The following KIAA0825 variants were observed in gnomAD, a reference collection of about 807,000 sequenced individuals.
The protein encoded by KIAA0825 is uncharacterized protein KIAA0825.
In KIAA0825, 119 loss-of-function variants were observed where a neutral mutation model predicts 147.6. The observed-to-expected ratio is 0.81, with a 90% CI of 0.69 to 0.94. The LOEUF is 0.94. Ranked by LOEUF, KIAA0825 falls within the 40% of genes least tolerant of loss-of-function variation. The probability of loss-of-function intolerance (pLI) is 0.00; values close to 1 mark genes in which losing one functional copy is unlikely to be tolerated. For missense variants in KIAA0825, 1,381 were observed against 1,472.7 expected, an observed-to-expected ratio of 0.94 and a Z score of 1.02; for synonymous variants, 470 against 518.1, an observed-to-expected ratio of 0.91 and a Z score of 1.26.
intron 2 of KIAA0825, among the ~76,000 whole-genome samples, chr5:94,541,264 C>A (rs1168324608): frequency 1.3e-5 from 2 of 152,248 alleles, no homozygotes; most frequent in East Asian, 1.9e-4. Flanking sequence ...CCAGGCTCCA[C>A]ACCTAGTACA....
At chr5:94,570,632 C>T (rs1317763568) in intron 2 of KIAA0825, 2 of 152,210 alleles carry the variant, frequency 1.3e-5, no homozygotes, top group Admixed American at 1.3e-4. Context: ...AATTTTAATC[C>T]TCATACCAGC....
chr5:94,214,747 T>C (rs1773051018), intron 20 of KIAA0825, among the ~76,000 whole-genome samples: 1 of 152,228 alleles, frequency 6.6e-6, no homozygotes, highest in African/African-American at 2.4e-5. Context: ...GAATAATAAG[T>C]ACTTGAGTAA....
At position 94,396,284 on chromosome 5, in the gene KIAA0825, G is replaced by T. The variant is rs1321527354; in HGVS notation, c.3113C>A (p.Ala1038Asp). 1.0e-5 allele frequency: 16 copies of T among 1,550,384 alleles called. No homozygotes were observed. The highest frequency in any genetic ancestry group is 1.1e-5 in the Non-Finnish European group (13 of 1,146,556). ...TTCTTTACTCCATCTGTCAAGAGAGGCACCTGTTAAAAGTTCCACAGTGTT... is the reference window on the plus strand; with the variant it reads ...TTCTTTACTCCATCTGTCAAGAGAGTCACCTGTTAAAAGTTCCACAGTGTT... ...DGNTVELLTG[A>D]SLDRWSKEKL... is the part of the protein sequence containing the mutation. The change falls in exon 17 of 21, where the codon GCC (alanine) becomes GAC (aspartate). Residue 1038 changes from alanine to aspartate, a missense_variant. By Grantham distance (126) the Ala-to-Asp change is moderately radical. Transcript: ENST00000682413.
chr5:94,278,647 G>C (rs949501277), intron 20 of KIAA0825, among the ~76,000 whole-genome samples: 1 of 152,110 alleles, frequency 6.6e-6, no homozygotes, highest in Non-Finnish European at 1.5e-5. Context: ...TGTGGGCACA[G>C]GAAATTAGGC....
At chr5:94,429,624 G>T (rs954392103) in intron 14 of KIAA0825, among the ~76,000 whole-genome samples, 2 of 152,194 alleles carry the variant, frequency 1.3e-5, no homozygotes, top group African/African-American at 4.8e-5. Context: ...GCAATGGGTT[G>T]ATTCGTGAGA....
At chr5:94,542,180 A>C (rs1280350637) in intron 2 of KIAA0825, among the ~76,000 whole-genome samples, 1 of 152,192 alleles carries the variant, frequency 6.6e-6, no homozygotes, top group African/African-American at 2.4e-5. Flanking sequence ...GTGACATCAG[A>C]ATGGAGGAAA....
rs1221672180 is a variant in KIAA0825, at chr5:94,440,049, C to A, written c.2430G>T (p.Trp810Cys). 1.3e-6 allele frequency: 2 copies of A among 1,551,588 alleles called. No homozygotes were observed. Among genetic ancestry groups the A allele is most frequent in the Non-Finnish European group, 1.7e-6 (2 of 1,146,846 alleles). ...GCAGTAGGGTTTCCAGAAGCAAGTT[C>A]CAGTTACAACGTGGCTGGGATAAGA... ...KLLLSQPRCN[W>C]NLLLETLLHH... Residue 810 changes from tryptophan to cysteine, a missense_variant, in exon 14 of 21, where the codon TGG (tryptophan) becomes TGT (cysteine). Trp to Cys is a radical substitution (Grantham distance 215). Coordinates refer to ENST00000682413, the MANE Select transcript of KIAA0825 (RefSeq NM_001145678.3).
At chr5:94,181,155 A>G (rs1281662888) in intron 20 of KIAA0825, among the ~76,000 whole-genome samples, 1 of 152,326 alleles carries the variant, frequency 6.6e-6, no homozygotes, top group East Asian at 1.9e-4. Flanking sequence ...TACATTTTTG[A>G]AATACTAATT....
At chr5:94,297,135 C>T (rs944532174) in intron 20 of KIAA0825, among the ~76,000 whole-genome samples, 1 of 152,110 alleles carries the variant, frequency 6.6e-6, no homozygotes, top group Non-Finnish European at 1.5e-5. Flanking sequence ...TTCATCAGCC[C>T]AGGCACATGG....
At chr5:94,549,982 C>CT (rs1321455031) in intron 2 of KIAA0825, among the ~76,000 whole-genome samples, 2 of 151,862 alleles carry the variant, frequency 1.3e-5, no homozygotes, top group African/African-American at 4.8e-5. Context: ...AAAAAGTTGG[C>CT]TTTTTGAAAA....
chr5:94,504,151 T>C (rs974194828), intron 5 of KIAA0825, among the ~76,000 whole-genome samples: 7 of 152,236 alleles, frequency 4.6e-5, no homozygotes, highest in Non-Finnish European at 1.0e-4. Context: ...CATTTCTCCA[T>C]GTTTTTTCAT....
At position 94,190,377 on chromosome 5, in the gene KIAA0825, G is replaced by A. The variant is rs180741171; in HGVS notation, c.3711-36253C>T. 6.3e-4 allele frequency among the ~76,000 whole-genome samples: 96 copies of A among 152,242 alleles called. 1 individual carries two copies. The highest frequency in any genetic ancestry group is 2.3e-3 in the African/African-American group (94 of 41,556). On this transcript the variant is annotated intron_variant, in intron 20 of 20. Coordinates refer to ENST00000682413, the MANE Select transcript of KIAA0825 (RefSeq NM_001145678.3). ...GTCTCGCTCTGTCGCCCAGGCTGGA[G>A]TGCAGTGGCACTATCTTGGCTCACT...
chr5:94,341,832 G>C lies in KIAA0825; in HGVS notation c.3710+42536C>G, dbSNP rs541967817. On this transcript the variant is annotated intron_variant, in intron 20 of 20. Transcript: ENST00000682413. ...TTTATTTCAATAATCTGGAATAATGGGGCATTTGAGTGATCAAAAATATAT... is the reference window on the plus strand; with the variant it reads ...TTTATTTCAATAATCTGGAATAATGCGGCATTTGAGTGATCAAAAATATAT... Among the ~76,000 whole-genome samples, 35 of 152,082 alleles carry C rather than the reference G, an allele frequency of 2.3e-4. 1 individual carries two copies. In the East Asian group the frequency reaches 6.6e-3, roughly 29 times the overall value.
chr5:94,324,812 G>C (rs1780525411), intron 20 of KIAA0825, among the ~76,000 whole-genome samples: 1 of 151,358 alleles, frequency 6.6e-6, no homozygotes. Flanking sequence ...GAATCTTCTA[G>C]TAAAAGGCAT....
At chr5:94,266,737 T>G (rs956721150) in intron 20 of KIAA0825, among the ~76,000 whole-genome samples, 1 of 151,190 alleles carries the variant, frequency 6.6e-6, no homozygotes, top group African/African-American at 2.4e-5. Context: ...GGAAATACAG[T>G]TTTTTTTTAG....
At chr5:94,354,464 C>T (rs1784031390) in intron 20 of KIAA0825, among the ~76,000 whole-genome samples, 1 of 151,906 alleles carries the variant, frequency 6.6e-6, no homozygotes, top group Non-Finnish European at 1.5e-5. Context: ...ATGACTACTT[C>T]CTTAAGGGTA....
intron 2 of KIAA0825, among the ~76,000 whole-genome samples, chr5:94,560,174 T>C (rs1584891020): frequency 6.6e-6 from 1 of 152,334 alleles, no homozygotes. Context: ...CTCTGAGCTG[T>C]CATTCTTTCT....
intron 3 of KIAA0825, among the ~76,000 whole-genome samples, chr5:94,529,445 T>C (rs1304449440): frequency 1.4e-5 from 2 of 142,812 alleles, no homozygotes; most frequent in Non-Finnish European, 3.0e-5. Context: ...CATATATGTA[T>C]ATATGTAGTG....
chr5:94,590,644 T>C (rs563024151), intron 1 of KIAA0825, among the ~76,000 whole-genome samples: 1 of 152,322 alleles, frequency 6.6e-6, no homozygotes, highest in African/African-American at 2.4e-5. Flanking sequence ...TGAAATTGCT[T>C]TCTTGATGAC....
Sources: allele counts gnomAD v4.1 joint callset (sites outside exome capture counted in the v4.1 genomes callset), GRCh38; gene constraint gnomAD v4.1.1; transcripts MANE v1.5; gene names NCBI Gene and HGNC (gene_info 2026-07-23, HGNC 2026-07-21).